The following BBS9 variants were observed in gnomAD, a reference collection of about 807,000 sequenced individuals.
The protein encoded by BBS9 is Bardet-Biedl syndrome 9.
BBS9 carries 89 observed loss-of-function variants against 117.7 expected under a neutral mutation model. The ratio of observed to expected loss-of-function variants is 0.76; its 90% confidence interval spans 0.64 to 0.90. The LOEUF is 0.90. Ranked by LOEUF, BBS9 falls within the 40% of genes least tolerant of loss-of-function variation. The pLI, the probability that BBS9 is intolerant of heterozygous loss-of-function variation, is 0.00. For synonymous variants in BBS9, 379 were observed against 370.9 expected, an observed-to-expected ratio of 1.02 and a Z score of -0.25; for missense variants, 982 against 1,042.2, an observed-to-expected ratio of 0.94 and a Z score of 0.80.
intron 21 of BBS9, among the ~76,000 whole-genome samples, chr7:33,542,264 T>A (rs894262215): frequency 6.6e-6 from 1 of 152,160 alleles, no homozygotes; most frequent in Non-Finnish European, 1.5e-5. Flanking sequence ...TTTGTATTTT[T>A]AGTAGAGACG....
chr7:33,137,975 A>G (rs1790798092), intron 1 of BBS9, among the ~76,000 whole-genome samples: 1 of 152,238 alleles, frequency 6.6e-6, no homozygotes, highest in Admixed American at 6.5e-5. Context: ...TCTTGTGAGG[A>G]AGAGCCATTT....
chr7:33,393,819 A>G (rs1199213797), intron 19 of BBS9, among the ~76,000 whole-genome samples: 4 of 152,162 alleles, frequency 2.6e-5, no homozygotes, highest in Non-Finnish European at 5.9e-5. Flanking sequence ...TGTGGGTGGC[A>G]GCCTCTTATT....
intron 5 of BBS9, among the ~76,000 whole-genome samples, chr7:33,229,926 T>G (rs1449406523): frequency 6.6e-6 from 1 of 152,134 alleles, no homozygotes; most frequent in Non-Finnish European, 1.5e-5. Context: ...CATTTGTTGT[T>G]TTTTGCCTTT....
chr7:33,330,337 A>G (rs556979982), intron 9 of BBS9, among the ~76,000 whole-genome samples: 1 of 152,294 alleles, frequency 6.6e-6, no homozygotes, highest in South Asian at 2.1e-4. Context: ...TTTATAGGTC[A>G]AAACCAGTTG....
At chr7:33,172,186 C>T (rs1228862459) in intron 4 of BBS9, among the ~76,000 whole-genome samples, 2 of 152,094 alleles carry the variant, frequency 1.3e-5, no homozygotes, top group Non-Finnish European at 2.9e-5. Flanking sequence ...TGAGATCATC[C>T]TGGCTAACAC....
chr7:33,357,194 A>G (rs1355586572), intron 15 of BBS9, among the ~76,000 whole-genome samples: 1 of 151,816 alleles, frequency 6.6e-6, no homozygotes, highest in Non-Finnish European at 1.5e-5. Flanking sequence ...ATCATTTAAC[A>G]ATTGAATGAC....
intron 21 of BBS9, among the ~76,000 whole-genome samples, chr7:33,538,793 A>G (rs574000755): frequency 6.7e-4 from 101 of 150,134 alleles, no homozygotes; most frequent in African/African-American, 2.4e-3. Context: ...AAAGGGAGTG[A>G]GTTCCAAAAT....
chr7:33,546,850 A>G (rs1012824584), intron 21 of BBS9, among the ~76,000 whole-genome samples: 1 of 152,168 alleles, frequency 6.6e-6, no homozygotes, highest in Non-Finnish European at 1.5e-5. Context: ...TATGGCTGTT[A>G]TAGTACTTGT....
At chr7:33,633,902 A>C (rs1014948149) in intron 21 of BBS9, among the ~76,000 whole-genome samples, 1 of 152,018 alleles carries the variant, frequency 6.6e-6, no homozygotes, top group East Asian at 1.9e-4. Flanking sequence ...CTCTCTGCCA[A>C]CCCTGCCTGC....
At chr7:33,567,708 G>A (rs1451015) in intron 21 of BBS9, among the ~76,000 whole-genome samples, 68,071 of 151,972 alleles carry the variant, frequency 0.45, 18,082 homozygotes, top group African/African-American at 0.75. Context: ...CATACATCCA[G>A]TTGTTTATTG....
chr7:33,605,596 T>C lies in BBS9; in HGVS notation c.*370T>C. The C allele has an allele frequency of 3.6e-6, 1 of 274,884 alleles. No homozygotes were observed. The highest frequency in any genetic ancestry group is 4.9e-5 in the South Asian group (1 of 20,566). 17.0% of individuals were successfully genotyped at this position (274,884 alleles called of 1,614,324 possible). The stretch of plus-strand genomic sequence containing the variant: ...TTTCACAGAATTCTTATATAGTAAA[T>C]GTATCAAGTTTAATAAAGCATCTCA... On this transcript the variant is annotated 3_prime_UTR_variant, in exon 23 of 23. Coordinates refer to ENST00000242067, the MANE Select transcript of BBS9 (RefSeq NM_198428.3).
chr7:33,303,360 A>G (rs535025763), intron 9 of BBS9, among the ~76,000 whole-genome samples: 2 of 152,106 alleles, frequency 1.3e-5, no homozygotes, highest in East Asian at 1.9e-4. Flanking sequence ...AGAAAAGTCA[A>G]TTTTTCCCTA....
chr7:33,242,778 A>C (rs375312425), intron 5 of BBS9, among the ~76,000 whole-genome samples: 6 of 152,334 alleles, frequency 3.9e-5, no homozygotes, highest in African/African-American at 4.8e-5. Flanking sequence ...ACTTATAAGC[A>C]TATAAAATGC....
intron 5 of BBS9, among the ~76,000 whole-genome samples, chr7:33,201,244 T>C (rs150884365): frequency 6.6e-6 from 1 of 152,302 alleles, no homozygotes; most frequent in East Asian, 1.9e-4. Context: ...CATGCTCTTC[T>C]ATGCCTGGTG....
At chr7:33,376,094 A>G (rs746035365) in intron 17 of BBS9, among the ~76,000 whole-genome samples, 12 of 152,048 alleles carry the variant, frequency 7.9e-5, no homozygotes, top group Non-Finnish European at 1.3e-4. Context: ...AACTTGTGTA[A>G]TGAGGGTTTG....
chr7:33,480,371 A>G (rs545555338), intron 19 of BBS9, among the ~76,000 whole-genome samples: 6 of 152,184 alleles, frequency 3.9e-5, no homozygotes, highest in Non-Finnish European at 7.3e-5. Flanking sequence ...AAGGAACATA[A>G]CCATTAAATG....
At chr7:33,525,089 T>TTC (rs1202314642) in intron 20 of BBS9, among the ~76,000 whole-genome samples, 6 of 152,128 alleles carry the variant, frequency 3.9e-5, no homozygotes, top group Non-Finnish European at 7.4e-5. Flanking sequence ...TGAGTTCTAG[T>TTC]TTGATTGCAC....
At chr7:33,214,780 G>A (rs1788722712) in intron 5 of BBS9, among the ~76,000 whole-genome samples, 1 of 152,200 alleles carries the variant, frequency 6.6e-6, no homozygotes, top group African/African-American at 2.4e-5. Context: ...ACTCAAAGCA[G>A]TCTATAAACT....
chr7:33,498,850 T>G (rs748100318), intron 19 of BBS9, among the ~76,000 whole-genome samples: 15 of 152,202 alleles, frequency 9.9e-5, no homozygotes, highest in Non-Finnish European at 2.1e-4. Context: ...AATGGACATA[T>G]ATTTTCATTT....
Sources: allele counts gnomAD v4.1 joint callset (sites outside exome capture counted in the v4.1 genomes callset), GRCh38; gene constraint gnomAD v4.1.1; transcripts MANE v1.5; gene names NCBI Gene and HGNC (gene_info 2026-07-23, HGNC 2026-07-21).